Variants in AFF4 observed in about 807,000 individuals in gnomAD.
The protein encoded by AFF4 is AF4/FMR2 family member 4.
In AFF4, 13 loss-of-function variants were observed where a neutral mutation model predicts 124.8. That is an observed-to-expected ratio of 0.10 (90% CI 0.07 to 0.17). AFF4 has a LOEUF of 0.17. AFF4 is among the 10% of genes least tolerant of loss of function. The pLI is 1.00. For missense variants in AFF4, 1,092 were observed against 1,403.8 expected (o/e 0.78, Z 3.55); for synonymous variants, 477 against 496.1 (o/e 0.96, Z 0.51).
intron 5 of AFF4, among the ~76,000 whole-genome samples, chr5:132,908,958 A>T (rs1760732536): frequency 6.7e-6 from 1 of 150,204 alleles, no homozygotes; most frequent in Non-Finnish European, 1.5e-5. Context: ...TTTAGTAGAG[A>T]CAGGGTTTCA....
chr5:132,892,527 A>G, intron 12 of AFF4, 123 bp from the exon 13 acceptor site: 1 of 1,342,460 alleles, frequency 7.4e-7, no homozygotes, highest in Non-Finnish European at 1.0e-6. Context: ...ACTAGGACAC[A>G]TGATTTCTAT....
At chr5:132,924,807 A>G (rs1279855759) in intron 5 of AFF4, among the ~76,000 whole-genome samples, 4 of 152,082 alleles carry the variant, frequency 2.6e-5, no homozygotes, top group Admixed American at 6.6e-5. Flanking sequence ...GTGAGTCGAG[A>G]TCGCACCAGG....
At chr5:132,931,424 A>G (rs1329338071) in intron 4 of AFF4, among the ~76,000 whole-genome samples, 2 of 152,174 alleles carry the variant, frequency 1.3e-5, no homozygotes, top group Non-Finnish European at 2.9e-5. Flanking sequence ...GTGAGACTCC[A>G]TATCAAGAAA....
chr5:132,963,432 GCGGCGT>G lies in AFF4; in HGVS notation c.-184_-179del, dbSNP rs1321565004. On this transcript the variant is annotated 5_prime_UTR_variant, in exon 1 of 21. Transcript: ENST00000265343. Reference sequence around the variant, plus strand: ...GTTCCGGAGGCCTCGACAAACGAAGGCGGCGTCGGCGGCGGCGGCAGCGATGCGCCT... The same window carrying G: ...GTTCCGGAGGCCTCGACAAACGAAGGCGGCGGCGGCGGCAGCGATGCGCCT... 2.5e-6 allele frequency: 1 copy of G among 398,202 alleles called. No homozygotes were observed. Among genetic ancestry groups the G allele is most frequent in the Non-Finnish European group, 4.4e-6 (1 of 225,944 alleles). The allele number at this position is 398,202 out of a possible 1,614,324, so 24.7% of individuals were successfully genotyped here.
chr5:132,883,853 C>G lies in AFF4; in HGVS notation c.3144-293G>C, dbSNP rs1245202135. 2.0e-5 allele frequency among the ~76,000 whole-genome samples: 3 copies of G among 152,138 alleles called. No individual in the cohort carries two copies. The East Asian group carries it at 5.8e-4, about 29-fold the overall frequency. On this transcript the variant is annotated intron_variant, in intron 19 of 20. Transcript: ENST00000265343. Reference sequence around the variant, plus strand: ...CAGTTCAAAGACTTAAAAGCCAGATCCCCTCACTCTCTGCTCAACACTTTC... The same window carrying G: ...CAGTTCAAAGACTTAAAAGCCAGATGCCCTCACTCTCTGCTCAACACTTTC...
Position 132,899,645 on chromosome 5 carries a change from G to C in AFF4, c.1134-4C>G. 6.2e-7 allele frequency: 1 copy of C among 1,607,200 alleles called. No homozygotes were observed. ...TTTTAAGTCATCTTTTAACATACTA[G>C]AGGGAAAAGACAAAGAATTATTATT... On this transcript the variant is annotated splice_polypyrimidine_tract_variant and splice_region_variant and intron_variant, in intron 7 of 20. Transcript: ENST00000265343.
chr5:132,950,190 G>A (rs907668326), intron 1 of AFF4, among the ~76,000 whole-genome samples: 12 of 152,026 alleles, frequency 7.9e-5, no homozygotes, highest in African/African-American at 2.7e-4. Context: ...AATAAGCCGT[G>A]CCTGGCCGGG....
intron 7 of AFF4, chr5:132,901,186 G>A: frequency 1.0e-6 from 1 of 979,172 alleles, no homozygotes; most frequent in Non-Finnish European, 1.2e-6. Flanking sequence ...TTTAACAATG[G>A]CAGCTCAATG....
intron 5 of AFF4, chr5:132,926,350 T>C: frequency 3.7e-6 from 1 of 272,574 alleles, no homozygotes; most frequent in South Asian, 4.3e-5. Context: ...TACTGTTAAG[T>C]ATAAGTTTAA....
chr5:132,922,838 T>C (rs1761081699), intron 5 of AFF4, among the ~76,000 whole-genome samples: 1 of 150,834 alleles, frequency 6.6e-6, no homozygotes, highest in Non-Finnish European at 1.5e-5. Flanking sequence ...AGTAGATAAT[T>C]AGGTAAATTA....
intron 5 of AFF4, 65 bp downstream of exon 5, chr5:132,927,056 A>C: frequency 4.4e-6 from 6 of 1,378,532 alleles, no homozygotes; most frequent in Non-Finnish European, 5.1e-6. Context: ...TTTTTAATCC[A>C]TATGATTTTA....
At chr5:132,924,945 G>T (rs900273509) in intron 5 of AFF4, among the ~76,000 whole-genome samples, 5 of 151,942 alleles carry the variant, frequency 3.3e-5, no homozygotes, top group African/African-American at 1.2e-4. Flanking sequence ...GGAGGCCAAG[G>T]CGGGTGGATC....
intron 18 of AFF4, among the ~76,000 whole-genome samples, chr5:132,885,842 C>G (rs373976156): frequency 2.0e-5 from 3 of 152,136 alleles, no homozygotes; most frequent in Admixed American, 6.5e-5. Context: ...GGCATGACCT[C>G]GGCTCACTGC....
intron 5 of AFF4, among the ~76,000 whole-genome samples, chr5:132,905,513 AT>A (rs1252259497): frequency 6.6e-6 from 1 of 152,236 alleles, no homozygotes; most frequent in Non-Finnish European, 1.5e-5. Flanking sequence ...TTAAAAACCT[AT>A]TTCTACACTC....
chr5:132,881,713 C>T (rs542452369), intron 20 of AFF4, among the ~76,000 whole-genome samples: 1 of 152,184 alleles, frequency 6.6e-6, no homozygotes, highest in African/African-American at 2.4e-5. Flanking sequence ...TATTTTTAGA[C>T]AGTCTCCCTG....
intron 1 of AFF4, among the ~76,000 whole-genome samples, chr5:132,939,905 C>T (rs766863383): frequency 3.3e-5 from 5 of 151,214 alleles, no homozygotes; most frequent in Non-Finnish European, 7.4e-5. Context: ...TGAGCCTGAA[C>T]TTTGGCTTAA....
Position 132,896,173 on chromosome 5 carries a change from T to C in AFF4, c.2307+150A>G. ...AAGCACAGAAATCCTCAAGAGACTG[T>C]TCCACATGTAGCCTCGCCTGGGCCT... On this transcript the variant is annotated intron_variant, in intron 11 of 20. Coordinates refer to ENST00000265343, the MANE Select transcript of AFF4 (RefSeq NM_014423.4). 4 of 842,006 alleles carry C rather than the reference T, an allele frequency of 4.8e-6. No homozygotes were observed. The South Asian group carries it at 7.3e-5, about 15-fold the overall frequency. 52.2% of individuals were successfully genotyped at this position (842,006 alleles called of 1,614,324 possible).
At chr5:132,911,458 ACAG>A (rs1472710103) in intron 5 of AFF4, among the ~76,000 whole-genome samples, 1 of 152,142 alleles carries the variant, frequency 6.6e-6, no homozygotes, top group Admixed American at 6.5e-5. Flanking sequence ...TAAATGTCTA[ACAG>A]CAGATTAGAC....
At chr5:132,911,840 A>G (rs1226773607) in intron 5 of AFF4, among the ~76,000 whole-genome samples, 1 of 151,706 alleles carries the variant, frequency 6.6e-6, no homozygotes, top group Non-Finnish European at 1.5e-5. Context: ...AAAAACTTAA[A>G]GACCGCCAAA....
Sources: gnomAD v4.1 joint callset for allele counts (sites outside exome capture counted in the v4.1 genomes callset) on GRCh38, gnomAD v4.1.1 for gene constraint, MANE v1.5 for transcripts, NCBI Gene and HGNC (gene_info 2026-07-23, HGNC 2026-07-21) for gene names.